Variants in DLGAP2 observed in about 807,000 individuals in gnomAD.
The protein encoded by DLGAP2 is DLG associated protein 2, also known as disks large-associated protein 2.
In DLGAP2, 26 loss-of-function variants were observed where a neutral mutation model predicts 100.3. That is an observed-to-expected ratio of 0.26 (90% CI 0.19 to 0.36). The LOEUF (loss-of-function observed/expected upper bound fraction) is 0.36. Among genes scored for constraint, DLGAP2 ranks in the 10% least tolerant of loss-of-function variants. The probability of loss-of-function intolerance (pLI) is 1.00; values close to 1 mark genes in which losing one functional copy is unlikely to be tolerated. For missense variants in DLGAP2, 1,858 were observed against 1,453.2 expected (o/e 1.28, Z -4.53); for synonymous variants, 886 against 630.1 (o/e 1.41, Z -6.08).
chr8:792,684 A>G (rs1333785961), intron 1 of DLGAP2, among the ~76,000 whole-genome samples: 3 of 152,230 alleles, frequency 2.0e-5, no homozygotes. Context: ...AGTTATTTAT[A>G]AAAATAGGAA....
intron 2 of DLGAP2, among the ~76,000 whole-genome samples, chr8:1,104,053 G>A (rs938274113): frequency 1.3e-5 from 2 of 152,178 alleles, no homozygotes; most frequent in East Asian, 1.9e-4. Context: ...TTGCTCGGCC[G>A]GCTCGTCTTC....
intron 2 of DLGAP2, among the ~76,000 whole-genome samples, chr8:932,529 G>A (rs956106934): frequency 6.6e-6 from 1 of 152,170 alleles, no homozygotes; most frequent in African/African-American, 2.4e-5. Context: ...TGTGAATAAG[G>A]TTTGTCAGTG....
chr8:1,524,275 A>G (rs1398309609), intron 4 of DLGAP2, among the ~76,000 whole-genome samples: 3 of 152,014 alleles, frequency 2.0e-5, no homozygotes, highest in African/African-American at 7.2e-5. Context: ...TTGTCCACCA[A>G]TCTCCTTAGA....
At chr8:1,204,907 G>A (rs754964793) in intron 2 of DLGAP2, among the ~76,000 whole-genome samples, 1 of 152,186 alleles carries the variant, frequency 6.6e-6, no homozygotes, top group African/African-American at 2.4e-5. Context: ...GAGCTGACCA[G>A]GGCTGTTTGC....
chr8:965,156 C>A (rs1292239589), intron 2 of DLGAP2, among the ~76,000 whole-genome samples: 2 of 147,564 alleles, frequency 1.4e-5, no homozygotes, highest in African/African-American at 5.0e-5. Context: ...TCACAGGGCT[C>A]CTGAGTCTGA....
chr8:1,032,663 A>G (rs1802008841), intron 2 of DLGAP2: 1 of 152,168 alleles, frequency 6.6e-6, no homozygotes, highest in African/African-American at 2.4e-5. Flanking sequence ...ATATTTATGA[A>G]TATTTGAGTC....
intron 3 of DLGAP2, among the ~76,000 whole-genome samples, chr8:1,454,997 A>G (rs1798265800): frequency 6.6e-6 from 1 of 151,994 alleles, no homozygotes; most frequent in Non-Finnish European, 1.5e-5. Flanking sequence ...AGGCACAGCC[A>G]CCCGTGAGCA....
At position 1,433,476 on chromosome 8, in the gene DLGAP2, G is replaced by A. The variant is rs144897119; in HGVS notation, c.107-67890G>A. 1.0e-3 allele frequency among the ~76,000 whole-genome samples: 158 copies of A among 152,328 alleles called. No individual in the cohort carries two copies. In the East Asian group the frequency reaches 0.016, roughly 16 times the overall value. ...TGCAAAGGTGCTTGCTGCTGAGCCC[G>A]TGAGGCTGCTGTGGTGTGCAAGTGT... On this transcript the variant is annotated intron_variant, in intron 3 of 14. Coordinates refer to ENST00000637795, the MANE Select transcript of DLGAP2 (RefSeq NM_001346810.2).
intron 10 of DLGAP2, 40 bp from the exon 11 acceptor site, chr8:1,676,493 A>G: frequency 6.3e-7 from 1 of 1,587,952 alleles, no homozygotes; most frequent in Non-Finnish European, 8.6e-7. Context: ...CCCAGGCCCC[A>G]TGTTTCAGTT....
chr8:823,528 C>T (rs980264442), intron 1 of DLGAP2, among the ~76,000 whole-genome samples: 37 of 152,048 alleles, frequency 2.4e-4, no homozygotes, highest in African/African-American at 8.9e-4. Context: ...AAAAAGAAAT[C>T]AGGCATCCCA....
intron 2 of DLGAP2, among the ~76,000 whole-genome samples, chr8:958,313 C>T (rs1799642153): frequency 6.6e-6 from 1 of 152,128 alleles, no homozygotes; most frequent in Non-Finnish European, 1.5e-5. Context: ...GGCATTTGGG[C>T]CATTTCTGCC....
At chr8:1,066,828 C>T (rs1803268930) in intron 2 of DLGAP2, among the ~76,000 whole-genome samples, 1 of 152,206 alleles carries the variant, frequency 6.6e-6, no homozygotes, top group South Asian at 2.1e-4. Context: ...GAAAAAGACC[C>T]TGATGGGACG....
At chr8:784,133 A>T (rs1438694747) in intron 1 of DLGAP2, among the ~76,000 whole-genome samples, 3 of 152,246 alleles carry the variant, frequency 2.0e-5, no homozygotes, top group African/African-American at 4.8e-5. Flanking sequence ...ATCCATGAAT[A>T]TATTAGTGAA....
intron 3 of DLGAP2, among the ~76,000 whole-genome samples, chr8:1,365,044 G>T (rs1317177675): frequency 1.3e-5 from 2 of 152,212 alleles, no homozygotes; most frequent in Non-Finnish European, 2.9e-5. Context: ...CCTGGCAGAA[G>T]ATTTACGACT....
chr8:1,258,962 A>C, intron 3 of DLGAP2, 79 bp downstream of exon 3: 1 of 1,156,720 alleles, frequency 8.6e-7, no homozygotes. Flanking sequence ...GTCTACCATG[A>C]AACGTGTTGG....
chr8:1,088,216 A>T (rs529715226), intron 2 of DLGAP2, among the ~76,000 whole-genome samples: 19 of 152,286 alleles, frequency 1.2e-4, no homozygotes, highest in African/African-American at 4.3e-4. Flanking sequence ...CCTGGTAGCC[A>T]ATATTCATTG....
intron 3 of DLGAP2, among the ~76,000 whole-genome samples, chr8:1,342,186 A>T (rs562492238): frequency 1.3e-5 from 2 of 152,050 alleles, no homozygotes; most frequent in South Asian, 4.2e-4. Context: ...GTCTCAAGCA[A>T]TCGGCCCACC....
At chr8:1,202,491 AAGG>A (rs886625053) in intron 2 of DLGAP2, among the ~76,000 whole-genome samples, 1 of 152,170 alleles carries the variant, frequency 6.6e-6, no homozygotes, top group Non-Finnish European at 1.5e-5. Context: ...CTGTAGGAAG[AAGG>A]AGATGTCAGA....
chr8:1,152,927 A>G (rs1392592996), intron 2 of DLGAP2, among the ~76,000 whole-genome samples: 1 of 152,246 alleles, frequency 6.6e-6, no homozygotes, highest in East Asian at 1.9e-4. Context: ...TTTGCAAAGT[A>G]TGGAAGCACG....
Sources: allele counts gnomAD v4.1 joint callset (sites outside exome capture counted in the v4.1 genomes callset), GRCh38; gene constraint gnomAD v4.1.1; transcripts MANE v1.5; gene names NCBI Gene and HGNC (gene_info 2026-07-23, HGNC 2026-07-21).